The following SHC3 variants were observed in gnomAD, a reference collection of about 807,000 sequenced individuals.
The protein encoded by SHC3 is SHC-transforming protein 3.
A neutral mutation model predicts 60.4 loss-of-function variants in SHC3; 15 were observed. That is an observed-to-expected ratio of 0.25 (90% CI 0.17 to 0.38). SHC3 has a LOEUF of 0.38. Ranked by LOEUF, SHC3 falls within the 10% of genes least tolerant of loss-of-function variation. The pLI, the probability that SHC3 is intolerant of heterozygous loss-of-function variation, is 1.00. For missense variants in SHC3, 677 were observed against 786.1 expected (o/e 0.86, Z 1.66); for synonymous variants, 294 against 325.9 (o/e 0.90, Z 1.05).
At chr9:89,142,700 G>C (rs939922169) in intron 1 of SHC3, among the ~76,000 whole-genome samples, 1 of 151,550 alleles carries the variant, frequency 6.6e-6, no homozygotes, top group Non-Finnish European at 1.5e-5. Flanking sequence ...AAGGCGGGGG[G>C]TGTCTTTTAC....
intron 2 of SHC3, among the ~76,000 whole-genome samples, chr9:89,094,893 C>G (rs183053353): frequency 6.6e-6 from 1 of 152,022 alleles, no homozygotes; most frequent in African/African-American, 2.4e-5. Context: ...AGCCATGATG[C>G]GATACCACCT....
intron 2 of SHC3, among the ~76,000 whole-genome samples, chr9:89,091,055 T>C (rs1275556329): frequency 6.6e-6 from 1 of 152,194 alleles, no homozygotes; most frequent in East Asian, 1.9e-4. Flanking sequence ...TCATGCTATG[T>C]TCCCAGAGAT....
At chr9:89,085,186 G>A (rs1825507709) in intron 2 of SHC3, among the ~76,000 whole-genome samples, 1 of 152,170 alleles carries the variant, frequency 6.6e-6, no homozygotes, top group African/African-American at 2.4e-5. Context: ...ACCAGGCTGG[G>A]ACTTGTTCTA....
chr9:89,158,769 C>A (rs1177118014), intron 1 of SHC3, among the ~76,000 whole-genome samples: 1 of 152,216 alleles, frequency 6.6e-6, no homozygotes, highest in East Asian at 1.9e-4. Flanking sequence ...TTGTAAAAAT[C>A]TTTTCAAATC....
intron 2 of SHC3, among the ~76,000 whole-genome samples, chr9:89,090,311 T>C (rs1309087086): frequency 6.6e-6 from 1 of 152,100 alleles, no homozygotes; most frequent in Non-Finnish European, 1.5e-5. Flanking sequence ...TGGAGAGAAG[T>C]GACAAAGATT....
intron 11 of SHC3, among the ~76,000 whole-genome samples, chr9:89,017,021 T>G (rs1826107997): frequency 6.6e-6 from 1 of 152,210 alleles, no homozygotes; most frequent in Admixed American, 6.5e-5. Flanking sequence ...TGGAAACACA[T>G]TCCATGCTCA....
intron 1 of SHC3, among the ~76,000 whole-genome samples, chr9:89,176,119 C>A (rs894614906): frequency 1.3e-5 from 2 of 152,196 alleles, no homozygotes; most frequent in Non-Finnish European, 2.9e-5. Flanking sequence ...TCATGCCATG[C>A]ACCCCTCAAC....
At chr9:89,130,110 G>A (rs1587743349) in intron 1 of SHC3, among the ~76,000 whole-genome samples, 1 of 152,158 alleles carries the variant, frequency 6.6e-6, no homozygotes, top group Non-Finnish European at 1.5e-5. Flanking sequence ...AGCAGGGCTT[G>A]CAATCCTAGT....
chr9:89,038,388 G>A, intron 10 of SHC3, 100 bp from the exon 11 acceptor site: 2 of 1,303,742 alleles, frequency 1.5e-6, no homozygotes, highest in Non-Finnish European at 1.0e-6. Flanking sequence ...GAAATGCAAA[G>A]GCAACTCCTC....
intron 1 of SHC3, among the ~76,000 whole-genome samples, chr9:89,165,909 C>G (rs909396136): frequency 6.6e-6 from 1 of 152,160 alleles, no homozygotes; most frequent in Non-Finnish European, 1.5e-5. Flanking sequence ...TAATTGTCTT[C>G]TAATTGCCTC....
intron 11 of SHC3, among the ~76,000 whole-genome samples, chr9:89,035,877 G>A (rs1401258321): frequency 1.8e-5 from 2 of 112,838 alleles, no homozygotes; most frequent in Non-Finnish European, 3.6e-5. Context: ...GTGTGTGTGT[G>A]TGTGTGTGTG....
At chr9:89,058,449 G>A (rs1205131032) in intron 6 of SHC3, among the ~76,000 whole-genome samples, 1 of 149,410 alleles carries the variant, frequency 6.7e-6, no homozygotes, top group Non-Finnish European at 1.5e-5. Flanking sequence ...GGTGGAGGAT[G>A]ATGGTGGAGG....
At chr9:89,040,262 C>G (rs1369185209) in intron 10 of SHC3, among the ~76,000 whole-genome samples, 1 of 149,210 alleles carries the variant, frequency 6.7e-6, no homozygotes, top group African/African-American at 2.5e-5. Flanking sequence ...AAATTACCAT[C>G]AGCAGCAGCA....
intron 11 of SHC3, chr9:89,037,437 CG>C: frequency 4.4e-6 from 3 of 682,678 alleles, no homozygotes; most frequent in East Asian, 2.7e-5. Context: ...TCTTTCTTGA[CG>C]GGAAGATGAA....
At chr9:89,036,922 G>A (rs1466982047) in intron 11 of SHC3, among the ~76,000 whole-genome samples, 2 of 144,932 alleles carry the variant, frequency 1.4e-5, no homozygotes, top group Admixed American at 1.4e-4. Flanking sequence ...TTTCTAAAAG[G>A]CACAAACACA....
chr9:89,127,876 T>A (rs947680779), intron 1 of SHC3, among the ~76,000 whole-genome samples: 1 of 151,736 alleles, frequency 6.6e-6, no homozygotes, highest in Non-Finnish European at 1.5e-5. Flanking sequence ...GGACCCTTAA[T>A]TTTTGAGATC....
chr9:89,166,168 C>T (rs1826786548), intron 1 of SHC3, among the ~76,000 whole-genome samples: 1 of 152,142 alleles, frequency 6.6e-6, no homozygotes, highest in South Asian at 2.1e-4. Context: ...GCCAGATAAT[C>T]CCACCCATTA....
intron 1 of SHC3, among the ~76,000 whole-genome samples, chr9:89,138,755 C>A (rs764579853): frequency 6.6e-6 from 1 of 152,012 alleles, no homozygotes. Context: ...CTAAGGGTTG[C>A]GGAGGGATAA....
rs1825952026 is a variant in SHC3 at position 89,007,207 on chromosome 9, A to G, written c.*6240T>C. The G allele has an allele frequency of 6.6e-6, 1 of 152,262 alleles. No individual in the cohort carries two copies. Among genetic ancestry groups the G allele is most frequent in the African/African-American group, 2.4e-5 (1 of 41,454 alleles). 9.4% of individuals were successfully genotyped at this position (152,262 alleles called of 1,614,324 possible). On this transcript the variant is annotated 3_prime_UTR_variant, in exon 12 of 12. Coordinates refer to ENST00000375835, the MANE Select transcript of SHC3 (RefSeq NM_016848.6). ...CCCGCCCCTTCTAGCATCTCTACTG[A>G]GAGTGACAACTCCAGGCTGTCCACC...
Sources: allele counts gnomAD v4.1 joint callset (sites outside exome capture counted in the v4.1 genomes callset), GRCh38; gene constraint gnomAD v4.1.1; transcripts MANE v1.5; gene names NCBI Gene and HGNC (gene_info 2026-07-23, HGNC 2026-07-21).